Variants in SEC31A observed in about 807,000 individuals in gnomAD.
SEC31A encodes protein transport protein Sec31A.
In SEC31A, 70 loss-of-function variants were observed where a neutral mutation model predicts 151.0. That is an observed-to-expected ratio of 0.46 (90% CI 0.38 to 0.57). The LOEUF (loss-of-function observed/expected upper bound fraction) is 0.57. Ranked by LOEUF, SEC31A falls within the 20% of genes least tolerant of loss-of-function variation. The pLI is 0.00. For synonymous variants in SEC31A, 475 were observed against 505.9 expected, an observed-to-expected ratio of 0.94 and a Z score of 0.82; for missense variants, 1,330 against 1,471.2, an observed-to-expected ratio of 0.90 and a Z score of 1.57.
intron 22 of SEC31A, among the ~76,000 whole-genome samples, chr4:82,835,787 A>G (rs76287308): frequency 6.6e-6 from 1 of 151,194 alleles, no homozygotes; most frequent in African/African-American, 2.4e-5. Flanking sequence ...GGAGTGGAAC[A>G]AAAAAAAAGG....
At position 82,857,096 on chromosome 4, in the gene SEC31A, C is replaced by T. The variant is rs147394311; in HGVS notation, c.1737G>A (p.Thr579=). 6.0e-5 allele frequency: 96 copies of T among 1,613,398 alleles called. 2 individuals are homozygous for T. Among genetic ancestry groups the T allele is most frequent in the South Asian group, 5.6e-4 (51 of 90,856 alleles). Residue 579 remains threonine, a synonymous_variant, in exon 16 of 27, where the codon ACG becomes ACA. Coordinates refer to ENST00000395310, the MANE Select transcript of SEC31A (RefSeq NM_001077207.4). ...GGTCAACAGCACTCTCAAAATTGCC[C>T]GTCAGCAAAGCCTGAGTAATTAAAC... ...IDGLITQALL[T]GNFESAVDLC... is the part of the protein sequence containing the mutation.
chr4:82,880,160 G>C lies in SEC31A; in HGVS notation c.203+639C>G, dbSNP rs190618623. 6.6e-3 allele frequency among the ~76,000 whole-genome samples: 992 copies of C among 150,810 alleles called. 9 individuals are homozygous for C. Among genetic ancestry groups the C allele is most frequent in the African/African-American group, 0.023 (941 of 40,924 alleles). ...ATTGCGCCATTGCACTCCAGCCTGG[G>C]CAACAAGAGTGAAACTCCATCTCAA... On this transcript the variant is annotated intron_variant, in intron 3 of 26. Transcript: ENST00000395310.
At chr4:82,829,677 T>TA (rs1337169150) in intron 22 of SEC31A, among the ~76,000 whole-genome samples, 2 of 151,332 alleles carry the variant, frequency 1.3e-5, no homozygotes, top group Admixed American at 6.6e-5. Flanking sequence ...TTTAATGCCG[T>TA]AAAAAAAAAT....
At chr4:82,827,024 T>C (rs912985201) in intron 24 of SEC31A, among the ~76,000 whole-genome samples, 3 of 152,228 alleles carry the variant, frequency 2.0e-5, no homozygotes, top group South Asian at 4.1e-4. Flanking sequence ...ACTCACTATA[T>C]TTTTCTTTTC....
chr4:82,864,552 T>A lies in SEC31A; in HGVS notation c.1244A>T (p.His415Leu), dbSNP rs781659407. 25 of 1,614,010 alleles carry A rather than the reference T, an allele frequency of 1.5e-5. No homozygotes were observed. Among genetic ancestry groups the A allele is most frequent in the African/African-American group, 4.0e-5 (3 of 74,932 alleles). Residue 415 changes from histidine (H) to leucine (L), a missense_variant, in exon 11 of 27, where the codon CAT (histidine) becomes CTT (leucine). Physicochemically the swap from His to Leu is moderately conservative, Grantham distance 99 (BLOSUM62 -3). Coordinates refer to ENST00000395310, the MANE Select transcript of SEC31A (RefSeq NM_001077207.4). ...CTGCTGCTGCTGCTCAGCTCCCTGA[T>A]GAGAAGGCATTCTGACATTCTCAAA... ...VTFENVRMPSHQGAEQQQQQH... is the reference protein window; with the variant it reads ...VTFENVRMPSLQGAEQQQQQH...
chr4:82,871,562 G>C (rs767526659), intron 7 of SEC31A: 2 of 655,198 alleles, frequency 3.1e-6, no homozygotes, highest in Admixed American at 5.6e-5. Context: ...GATCACTTGA[G>C]GTCAGAAGTT....
chr4:82,875,273 A>C lies in SEC31A; in HGVS notation c.498+454T>G, dbSNP rs570704085. Among the ~76,000 whole-genome samples the C allele has an allele frequency of 3.3e-5, 5 of 152,340 alleles. No individual in the cohort carries two copies. In the East Asian group the frequency reaches 9.6e-4, roughly 29 times the overall value. On this transcript the variant is annotated intron_variant, in intron 5 of 26. Transcript: ENST00000395310. ...AAGAAACTCAGGGAAGAACAGGAGA[A>C]GACTGTTGTTACCAAACTTAATAGA...
intron 22 of SEC31A, among the ~76,000 whole-genome samples, chr4:82,838,760 T>C (rs563142094): frequency 2.0e-5 from 3 of 152,238 alleles, no homozygotes; most frequent in African/African-American, 7.2e-5. Context: ...TAATTCTGAT[T>C]GTAGACCAAA....
At chr4:82,845,727 G>A (rs1322455910) in intron 20 of SEC31A, among the ~76,000 whole-genome samples, 1 of 151,948 alleles carries the variant, frequency 6.6e-6, no homozygotes, top group Non-Finnish European at 1.5e-5. Flanking sequence ...TACAAACACA[G>A]TGGTATAAGC....
At chr4:82,864,723 G>T (rs1734932811) in intron 10 of SEC31A, 125 bp from the exon 11 acceptor site, 1 of 645,558 alleles carries the variant, frequency 1.5e-6, no homozygotes, top group Non-Finnish European at 2.6e-6. Flanking sequence ...ATGCGCCACA[G>T]TCTGACACCA....
upstream of SEC31A, among the ~76,000 whole-genome samples, chr4:82,892,723 C>G (rs865893585): frequency 4.2e-4 from 60 of 143,074 alleles, no homozygotes; most frequent in African/African-American, 1.5e-3. Flanking sequence ...GATCATGATG[C>G]ACATCTTTTT....
intron 14 of SEC31A, among the ~76,000 whole-genome samples, chr4:82,860,122 A>G (rs1443830268): frequency 3.3e-5 from 5 of 151,932 alleles, no homozygotes; most frequent in Non-Finnish European, 5.9e-5. Flanking sequence ...ATTATTTCTC[A>G]AATTTGCTTT....
At chr4:82,820,740 A>C (rs1372429777) in intron 26 of SEC31A, among the ~76,000 whole-genome samples, 1 of 152,248 alleles carries the variant, frequency 6.6e-6, no homozygotes, top group Admixed American at 6.5e-5. Flanking sequence ...GCCATATAAA[A>C]GGAACAGCAG....
chr4:82,845,150 T>C (rs1729782825), intron 20 of SEC31A: 2 of 1,201,428 alleles, frequency 1.7e-6, no homozygotes, highest in Non-Finnish European at 2.4e-6. Context: ...CATATAACTG[T>C]ATATTTAGGT....
At chr4:82,856,806 C>G in intron 16 of SEC31A, 146 bp downstream of exon 16, 1 of 678,920 alleles carries the variant, frequency 1.5e-6, no homozygotes, top group Non-Finnish European at 2.4e-6. Context: ...GCCAAAATGC[C>G]AACAACTATT....
At chr4:82,840,183 G>A (rs996630746) in intron 22 of SEC31A, among the ~76,000 whole-genome samples, 3 of 151,940 alleles carry the variant, frequency 2.0e-5, no homozygotes, top group African/African-American at 7.3e-5. Flanking sequence ...TACTTCTCAA[G>A]GTTGTAAGAC....
Position 82,818,973 on chromosome 4 carries a change from T to G in SEC31A, c.*101A>C. ...TGTAAATGCTCTTGACTGGTTGCTATGCAAACATGCTAATGAGGACTAGTC... is the reference window on the plus strand; with the variant it reads ...TGTAAATGCTCTTGACTGGTTGCTAGGCAAACATGCTAATGAGGACTAGTC... On this transcript the variant is annotated 3_prime_UTR_variant, in exon 27 of 27. Coordinates refer to ENST00000395310, the MANE Select transcript of SEC31A (RefSeq NM_001077207.4). The G allele has an allele frequency of 1.1e-6, 1 of 897,172 alleles. No individual in the cohort carries two copies. Among genetic ancestry groups the G allele is most frequent in the East Asian group, 2.7e-5 (1 of 37,650 alleles). 55.6% of individuals were successfully genotyped at this position (897,172 alleles called of 1,614,324 possible).
intron 2 of SEC31A, chr4:82,899,953 C>G (rs1475294762): frequency 1.3e-5 from 2 of 152,402 alleles, no homozygotes; most frequent in East Asian, 1.9e-4. Context: ...GAGCTTATAA[C>G]TAAGACATTG....
At chr4:82,876,587 G>A (rs569785714) in intron 4 of SEC31A, among the ~76,000 whole-genome samples, 1 of 152,278 alleles carries the variant, frequency 6.6e-6, no homozygotes, top group African/African-American at 2.4e-5. Context: ...TTCCAGAGCT[G>A]AATCAATACA....
Sources: allele counts gnomAD v4.1 joint callset (sites outside exome capture counted in the v4.1 genomes callset), GRCh38; gene constraint gnomAD v4.1.1; transcripts MANE v1.5; gene names NCBI Gene and HGNC (gene_info 2026-07-23, HGNC 2026-07-21).